Variants in MYO1D observed in about 807,000 individuals in gnomAD.
MYO1D encodes unconventional myosin-Id.
Under a neutral mutation model 122.0 loss-of-function variants are expected in MYO1D, and 83 were observed. That is an observed-to-expected ratio of 0.68 (90% CI 0.57 to 0.82). MYO1D has a LOEUF of 0.82. MYO1D is among the 40% of genes least tolerant of loss of function. MYO1D has a pLI of 0.00. For missense variants in MYO1D, 1,157 were observed against 1,269.5 expected, an observed-to-expected ratio of 0.91 and a Z score of 1.35; for synonymous variants, 464 against 446.9, an observed-to-expected ratio of 1.04 and a Z score of -0.48.
intron 20 of MYO1D, among the ~76,000 whole-genome samples, chr17:32,616,482 CT>C (rs552603493): frequency 2.3e-3 from 311 of 135,468 alleles, no homozygotes; most frequent in East Asian, 9.6e-3. Context: ...TAATTAAAAA[CT>C]TTTTTTTTTT....
chr17:32,825,626 T>G (rs536782025), intron 1 of MYO1D, among the ~76,000 whole-genome samples: 2 of 152,344 alleles, frequency 1.3e-5, no homozygotes, highest in Admixed American at 1.3e-4. Flanking sequence ...CATGCTCATA[T>G]GCGCAGAGTT....
At chr17:32,872,362 T>C (rs2091187509) in intron 1 of MYO1D, among the ~76,000 whole-genome samples, 1 of 151,976 alleles carries the variant, frequency 6.6e-6, no homozygotes, top group South Asian at 2.1e-4. Context: ...CAGCTCCACC[T>C]CCCAGGTTCA....
intron 1 of MYO1D, among the ~76,000 whole-genome samples, chr17:32,797,504 G>A (rs78552059): frequency 0.014 from 2,205 of 152,222 alleles, 45 homozygotes; most frequent in African/African-American, 0.048. Flanking sequence ...AAGATATTTC[G>A]AGAGAAACAT....
chr17:32,560,208 T>C (rs985619934), intron 21 of MYO1D, among the ~76,000 whole-genome samples: 4 of 152,156 alleles, frequency 2.6e-5, no homozygotes, highest in South Asian at 2.1e-4. Flanking sequence ...TGAGCCGAGA[T>C]TGCACCACTG....
chr17:32,741,465 A>T (rs1324442151), intron 13 of MYO1D, among the ~76,000 whole-genome samples: 1 of 151,868 alleles, frequency 6.6e-6, no homozygotes, highest in Non-Finnish European at 1.5e-5. Flanking sequence ...TGCATTTAAT[A>T]GACTTTCAAT....
chr17:32,787,740 GC>G (rs2090312759), intron 1 of MYO1D, among the ~76,000 whole-genome samples: 1 of 151,806 alleles, frequency 6.6e-6, no homozygotes, highest in Admixed American at 6.6e-5. Context: ...TTTATTCCTC[GC>G]CCACCTCCCT....
chr17:32,642,713 G>A (rs569765197), intron 19 of MYO1D, among the ~76,000 whole-genome samples: 2 of 152,268 alleles, frequency 1.3e-5, no homozygotes, highest in Middle Eastern at 3.4e-3. Context: ...GTTCACTCAT[G>A]ATTTGGCTCT....
chr17:32,649,304 CT>C lies in MYO1D; in HGVS notation c.2595+4538del, dbSNP rs1717603318. The stretch of plus-strand genomic sequence containing the variant: ...CCATCACCACTATCTTTCTCCAGAA[CT>C]TTCATCATTCCAAACTGAAGCTCTA... On this transcript the variant is annotated intron_variant, in intron 19 of 21. Coordinates refer to ENST00000318217, the MANE Select transcript of MYO1D (RefSeq NM_015194.3). Among the ~76,000 whole-genome samples the C allele has an allele frequency of 1.3e-5, 2 of 152,164 alleles. 1 individual carries two copies. Among genetic ancestry groups the C allele is most frequent in the South Asian group, 4.1e-4 (2 of 4,830 alleles).
At chr17:32,814,173 G>A (rs1470535782) in intron 1 of MYO1D, among the ~76,000 whole-genome samples, 1 of 152,072 alleles carries the variant, frequency 6.6e-6, no homozygotes, top group Non-Finnish European at 1.5e-5. Context: ...GTAAAACCCT[G>A]TCTCCACTAA....
chr17:32,765,767 A>C (rs2090049785), intron 7 of MYO1D, among the ~76,000 whole-genome samples: 1 of 151,914 alleles, frequency 6.6e-6, no homozygotes, highest in African/African-American at 2.4e-5. Context: ...CTTTTTCCTT[A>C]AACTTTTTAA....
At chr17:32,676,299 T>G (rs2088807683) in intron 16 of MYO1D, among the ~76,000 whole-genome samples, 1 of 152,010 alleles carries the variant, frequency 6.6e-6, no homozygotes, top group South Asian at 2.1e-4. Context: ...GTTATTCAAC[T>G]TTTAAAAATT....
At chr17:32,769,698 T>C (rs950680931) in intron 6 of MYO1D, among the ~76,000 whole-genome samples, 19 of 152,110 alleles carry the variant, frequency 1.2e-4, no homozygotes, top group Admixed American at 2.6e-4. Flanking sequence ...TAATCATTTC[T>C]GTATGGTAAG....
chr17:32,495,993 A>C (rs541677753), intron 21 of MYO1D: 1 of 152,438 alleles, frequency 6.6e-6, no homozygotes, highest in South Asian at 2.1e-4. Flanking sequence ...GTGAACGCCA[A>C]GCTGTCGTGT....
chr17:32,744,204 T>C (rs1484774704), intron 13 of MYO1D, among the ~76,000 whole-genome samples: 5 of 152,166 alleles, frequency 3.3e-5, no homozygotes, highest in African/African-American at 1.2e-4. Flanking sequence ...TCCCACCTTG[T>C]GGCCTTGGTA....
At chr17:32,662,393 C>T (rs112694017) in intron 16 of MYO1D, among the ~76,000 whole-genome samples, 7 of 152,302 alleles carry the variant, frequency 4.6e-5, no homozygotes, top group African/African-American at 1.7e-4. Flanking sequence ...AGCTGCGCAG[C>T]GGGACGCGGT....
At chr17:32,506,199 G>A (rs1314079360) in intron 21 of MYO1D, among the ~76,000 whole-genome samples, 1 of 152,208 alleles carries the variant, frequency 6.6e-6, no homozygotes, top group Non-Finnish European at 1.5e-5. Context: ...AGAGCATGAG[G>A]TACAATGAGG....
chr17:32,613,424 A>C (rs2087728606), intron 20 of MYO1D, among the ~76,000 whole-genome samples: 1 of 152,220 alleles, frequency 6.6e-6, no homozygotes, highest in South Asian at 2.1e-4. Flanking sequence ...GCAACAAGAT[A>C]AACACCATGA....
intron 1 of MYO1D, among the ~76,000 whole-genome samples, chr17:32,828,541 AAAG>A (rs1285032008): frequency 2.7e-5 from 4 of 145,778 alleles, no homozygotes; most frequent in African/African-American, 1.0e-4. Context: ...AAAAAAAAAG[AAAG>A]AAGACAGGAA....
intron 16 of MYO1D, among the ~76,000 whole-genome samples, chr17:32,676,598 C>T (rs2088813013): frequency 6.6e-6 from 1 of 151,982 alleles, no homozygotes; most frequent in Admixed American, 6.6e-5. Flanking sequence ...GGCGACTCTC[C>T]CTGAACCTAG....
Sources: gnomAD v4.1 joint callset for allele counts (sites outside exome capture counted in the v4.1 genomes callset) on GRCh38, gnomAD v4.1.1 for gene constraint, MANE v1.5 for transcripts, NCBI Gene and HGNC (gene_info 2026-07-23, HGNC 2026-07-21) for gene names.